Variants in PRKG1 observed in about 807,000 individuals in gnomAD.
The protein encoded by PRKG1 is protein kinase cGMP-dependent 1, also known as cGMP-dependent protein kinase 1.
A neutral mutation model predicts 88.1 loss-of-function variants in PRKG1; 35 were observed. The ratio of observed to expected loss-of-function variants is 0.40; its 90% CI spans 0.30 to 0.53. PRKG1 has a LOEUF of 0.53. PRKG1 is among the 20% of genes least tolerant of loss of function. The probability of loss-of-function intolerance (pLI) is 0.59; values close to 1 mark genes in which losing one functional copy is unlikely to be tolerated. For missense variants in PRKG1, 540 were observed against 839.8 expected (o/e 0.64, Z 4.41); for synonymous variants, 303 against 292.5 (o/e 1.04, Z -0.37).
In PRKG1 at chr10:51,819,006, CAAAAAAAAAAAAAAAAAAA is replaced by C. The variant is rs869048560; in HGVS notation, c.698+14335_698+14353del. 1.5e-3 allele frequency among the ~76,000 whole-genome samples: 28 copies of C among 18,346 alleles called. 2 individuals carry two copies. The highest frequency in any genetic ancestry group is 1.8e-3 in the Non-Finnish European group (24 of 13,014). 12.0% of individuals were successfully genotyped at this position (18,346 alleles called of 152,430 possible). ...TGGGCGACAGAGCGAGACTCCGTCT[CAAAAAAAAAAAAAAAAAAA>C]AAAAAAAAAAAAAAAAAAGAATACC... On this transcript the variant is annotated intron_variant, in intron 4 of 17. Coordinates refer to ENST00000373980, the MANE Select transcript of PRKG1 (RefSeq NM_006258.4).
rs369932899 is a variant in PRKG1 at position 51,018,411 on chromosome 10, T to C, written c.266+26767T>C. Among the ~76,000 whole-genome samples, 61 of 152,318 alleles carry C rather than the reference T, an allele frequency of 4.0e-4. 2 individuals carry two copies. In the South Asian group the frequency reaches 0.012, roughly 29 times the overall value. On this transcript the variant is annotated intron_variant, in intron 1 of 17. Coordinates refer to the PRKG1 transcript ENST00000401604. ...CTGTTCTTAAGATTGTCTCTAGTCA[T>C]GGATTAGTCAAAATGGTTTCTGTGG... is the stretch of plus-strand genomic sequence containing the variant.
At chr10:51,105,390 G>C (rs372519096) in intron 1 of PRKG1, among the ~76,000 whole-genome samples, 1 of 152,086 alleles carries the variant, frequency 6.6e-6, no homozygotes, top group Non-Finnish European at 1.5e-5. Context: ...CTCCTACCTT[G>C]GATGTGTGGT....
At chr10:51,988,059 CT>C (rs1844208879) in intron 5 of PRKG1, among the ~76,000 whole-genome samples, 1 of 151,940 alleles carries the variant, frequency 6.6e-6, no homozygotes, top group Admixed American at 6.6e-5. Context: ...GCCTTATTTG[CT>C]TTTCTCCTTT....
chr10:51,383,414 T>C (rs934879164), intron 2 of PRKG1, among the ~76,000 whole-genome samples: 1 of 152,186 alleles, frequency 6.6e-6, no homozygotes, highest in African/African-American at 2.4e-5. Flanking sequence ...CAGGCAGTAC[T>C]CTAAGCCCTT....
intron 5 of PRKG1, among the ~76,000 whole-genome samples, chr10:51,980,283 A>G (rs1843973297): frequency 6.6e-6 from 1 of 152,076 alleles, no homozygotes; most frequent in Non-Finnish European, 1.5e-5. Context: ...ATGTAATTGT[A>G]TGGTTTTGAA....
In PRKG1 at chr10:51,746,302, T is replaced by A. The variant is rs571104176; in HGVS notation, c.593-58283T>A. 9.1e-5 allele frequency among the ~76,000 whole-genome samples: 13 copies of A among 142,626 alleles called. No individual in the cohort carries two copies. In the South Asian group the frequency reaches 1.1e-3, roughly 12 times the overall value. The allele number at this position is 142,626 out of a possible 152,430, so 93.6% of individuals were successfully genotyped here. ...TTTGGTCGTCAAATTAGTTTACATT[T>A]AAAAAAAAAAAAAACTCCCTGCTAC... On this transcript the variant is annotated intron_variant, in intron 3 of 17. Transcript: ENST00000373980.
chr10:51,330,734 T>C (rs1251689718), intron 2 of PRKG1, among the ~76,000 whole-genome samples: 5 of 152,184 alleles, frequency 3.3e-5, no homozygotes, highest in Non-Finnish European at 5.9e-5. Context: ...CTTCATTTGG[T>C]GAATTGTTTC....
chr10:51,093,730 ATT>A (rs1238967003), intron 1 of PRKG1, among the ~76,000 whole-genome samples: 2 of 144,140 alleles, frequency 1.4e-5, no homozygotes, highest in Non-Finnish European at 3.0e-5. Context: ...GTGTGTGTGT[ATT>A]TTATATATAT....
intron 3 of PRKG1, among the ~76,000 whole-genome samples, chr10:51,649,113 T>G (rs573598088): frequency 2.0e-5 from 3 of 152,210 alleles, no homozygotes; most frequent in Non-Finnish European, 2.9e-5. Context: ...TTCTGCGTTT[T>G]TGGCGCTACA....
chr10:51,675,935 C>G (rs919222966), intron 3 of PRKG1, among the ~76,000 whole-genome samples: 3 of 152,044 alleles, frequency 2.0e-5, no homozygotes, highest in Non-Finnish European at 4.4e-5. Context: ...AGCCTGTCAT[C>G]ATTTCAGGGA....
At chr10:51,438,370 CT>C (rs1416378469) in intron 2 of PRKG1, among the ~76,000 whole-genome samples, 1 of 151,776 alleles carries the variant, frequency 6.6e-6, no homozygotes, top group Non-Finnish European at 1.5e-5. Context: ...TAACTAATGT[CT>C]TTTTTGTATT....
At chr10:51,850,942 T>G (rs1460574078) in intron 4 of PRKG1, among the ~76,000 whole-genome samples, 1 of 152,182 alleles carries the variant, frequency 6.6e-6, no homozygotes, top group Non-Finnish European at 1.5e-5. Context: ...AAATGCTTTA[T>G]AGGTATCTTT....
chr10:51,942,052 G>A (rs1394804984), intron 5 of PRKG1, among the ~76,000 whole-genome samples: 6 of 152,008 alleles, frequency 3.9e-5, no homozygotes, highest in Non-Finnish European at 7.3e-5. Flanking sequence ...GGTTGAACTA[G>A]TTTACAGTCC....
At chr10:51,209,055 T>A (rs1354729914) in intron 2 of PRKG1, among the ~76,000 whole-genome samples, 1 of 152,152 alleles carries the variant, frequency 6.6e-6, no homozygotes, top group Non-Finnish European at 1.5e-5. Flanking sequence ...TAGAAGCCCC[T>A]CCAGCAATGG....
chr10:51,100,904 A>C lies in PRKG1; in HGVS notation c.311+26003A>C, dbSNP rs149971201. Among the ~76,000 whole-genome samples the C allele has an allele frequency of 1.1e-3, 168 of 152,282 alleles. 3 individuals carry two copies. The East Asian group carries it at 0.023, about 21-fold the overall frequency. On this transcript the variant is annotated intron_variant, in intron 1 of 17. Transcript: ENST00000373980. ...TAAACAGATTCCTGGGCTGTGAAAA[A>C]AGGGTGATTCTGAGTCTATTTACTC...
At chr10:51,797,467 C>T (rs1839044606) in intron 3 of PRKG1, among the ~76,000 whole-genome samples, 2 of 140,208 alleles carry the variant, frequency 1.4e-5, no homozygotes, top group Non-Finnish European at 3.1e-5. Flanking sequence ...TTATAATATA[C>T]AGATTATAAT....
rs887574262 is a variant in PRKG1, at chr10:51,111,975, A to G, written c.311+37074A>G. ...CCATGCTACTATGCACCACCTACAG[A>G]GCCTATCTGAATTGTTGTAGTTTTC... is the stretch of plus-strand genomic sequence containing the variant. On this transcript the variant is annotated intron_variant, in intron 1 of 17. Transcript: ENST00000373980. Among the ~76,000 whole-genome samples the G allele has an allele frequency of 3.9e-5, 6 of 152,266 alleles. No individual in the cohort carries two copies. The East Asian group carries it at 1.2e-3, about 29-fold the overall frequency.
chr10:51,933,728 G>T (rs1483980849), intron 5 of PRKG1, among the ~76,000 whole-genome samples: 1 of 151,686 alleles, frequency 6.6e-6, no homozygotes, highest in East Asian at 1.9e-4. Context: ...GTTATTGTGA[G>T]GATTAAATAA....
At chr10:51,901,623 A>G (rs770674208) in intron 4 of PRKG1, among the ~76,000 whole-genome samples, 6 of 152,206 alleles carry the variant, frequency 3.9e-5, no homozygotes, top group Non-Finnish European at 8.8e-5. Context: ...TTAAGTTGAA[A>G]AGCTATACAG....
Sources: gnomAD v4.1 joint callset for allele counts (sites outside exome capture counted in the v4.1 genomes callset) on GRCh38, gnomAD v4.1.1 for gene constraint, MANE v1.5 for transcripts, NCBI Gene and HGNC (gene_info 2026-07-23, HGNC 2026-07-21) for gene names.